TMEM165: variants seen among roughly 807,000 people sequenced by gnomAD.
TMEM165 encodes transmembrane protein 165.
In TMEM165, 19 loss-of-function variants were observed where a neutral mutation model predicts 30.0. The observed-to-expected ratio is 0.63, with a 90% CI of 0.44 to 0.93. The LOEUF is 0.93. TMEM165 is among the 40% of genes least tolerant of loss of function. TMEM165 has a pLI of 0.00. For synonymous variants in TMEM165, 168 were observed against 162.9 expected, an observed-to-expected ratio of 1.03 and a Z score of -0.24; for missense variants, 340 against 417.0, an observed-to-expected ratio of 0.82 and a Z score of 1.61.
chr4:55,446,349 C>T (rs376119229), intron 3 of TMEM165, among the ~76,000 whole-genome samples: 53 of 151,958 alleles, frequency 3.5e-4, no homozygotes, highest in African/African-American at 1.2e-3. Context: ...AGCCACCATG[C>T]CCAGCCTTAT....
chr4:55,450,924 G>A (rs188857000), intron 3 of TMEM165, among the ~76,000 whole-genome samples: 1 of 152,162 alleles, frequency 6.6e-6, no homozygotes, highest in East Asian at 1.9e-4. Flanking sequence ...CTTAAGCCCA[G>A]GAGCTAGAGT....
chr4:55,406,008 T>C (rs1721253547), intron 1 of TMEM165, among the ~76,000 whole-genome samples: 1 of 152,220 alleles, frequency 6.6e-6, no homozygotes, highest in Non-Finnish European at 1.5e-5. Flanking sequence ...AAAGGAGTGA[T>C]GTATTTTCAA....
At chr4:55,448,599 C>CGTGTGT (rs1328426824) in intron 3 of TMEM165, among the ~76,000 whole-genome samples, 5 of 105,592 alleles carry the variant, frequency 4.7e-5, no homozygotes, top group Non-Finnish European at 1.1e-4. Context: ...CGCGCACGCG[C>CGTGTGT]GCGTGTGTGT....
At chr4:55,443,446 G>C (rs987010732) in intron 3 of TMEM165, among the ~76,000 whole-genome samples, 1 of 143,278 alleles carries the variant, frequency 7.0e-6, no homozygotes, top group Non-Finnish European at 1.5e-5. Flanking sequence ...TTGCACTCCA[G>C]CCTGGGCAAC....
In TMEM165 at chr4:55,444,757, A is replaced by C. The variant is rs1387354726; in HGVS notation, c.409-7482A>C. The C allele has an allele frequency of 1.9e-6, 3 of 1,614,064 alleles. No homozygotes were observed. The Admixed American group carries it at 5.0e-5, about 27-fold the overall frequency. ...TTCCAATTGGTCTTTCAGATGTTGC[A>C]TGGCTCCTAATTGAGCTGAAAACTG... is the stretch of plus-strand genomic sequence containing the variant. On this transcript the variant is annotated intron_variant, in intron 3 of 3. Transcript: ENST00000608091.
At chr4:55,417,564 T>A (rs1437194481) in intron 3 of TMEM165, 1 of 547,282 alleles carries the variant, frequency 1.8e-6, no homozygotes, top group East Asian at 3.0e-5. Context: ...GGATAGTAAG[T>A]GAGCAGAGCA....
intron 2 of TMEM165, among the ~76,000 whole-genome samples, chr4:55,412,971 A>AT (rs1195052199): frequency 6.6e-6 from 1 of 151,680 alleles, no homozygotes; most frequent in Non-Finnish European, 1.5e-5. Context: ...GCTATTTTTT[A>AT]TTTATTTATT....
rs1048007616 is a variant in TMEM165, at chr4:55,420,120, T to C, written c.792+2135T>C. Among the ~76,000 whole-genome samples, 87 of 56,788 alleles carry C rather than the reference T, an allele frequency of 1.5e-3. 8 individuals carry two copies. Among genetic ancestry groups the C allele is most frequent in the African/African-American group, 3.7e-3 (73 of 19,486 alleles). 37.3% of individuals were successfully genotyped at this position (56,788 alleles called of 152,430 possible). A position where few individuals can be genotyped will look rare whatever the true frequency, so the allele number is the denominator to read the frequency against. ...TAAGAAAAAAAAATATATATATATA[T>C]ACATATATATTTATTTATTTATTTA... On this transcript the variant is annotated intron_variant, in intron 4 of 5. Transcript: ENST00000381334.
At chr4:55,438,198 A>T (rs1723044009) in intron 3 of TMEM165, 12 of 1,484,180 alleles carry the variant, frequency 8.1e-6, no homozygotes, top group East Asian at 6.8e-5. Context: ...TTTTCACATC[A>T]CTCACAAATC....
chr4:55,440,780 A>C (rs570468944), intron 3 of TMEM165, among the ~76,000 whole-genome samples: 1 of 152,208 alleles, frequency 6.6e-6, no homozygotes, highest in African/African-American at 2.4e-5. Flanking sequence ...CGTGTAACTC[A>C]CACTTCTGCA....
downstream of TMEM165, chr4:55,428,888 T>G (rs1722348538): frequency 6.6e-6 from 1 of 151,730 alleles, no homozygotes; most frequent in South Asian, 2.1e-4. Flanking sequence ...AATGCCATAC[T>G]GAGGCCTTCC....
At chr4:55,402,701 C>G (rs1170004153) in intron 1 of TMEM165, among the ~76,000 whole-genome samples, 2 of 146,026 alleles carry the variant, frequency 1.4e-5, no homozygotes, top group Admixed American at 1.3e-4. Flanking sequence ...ACCTACCACG[C>G]CTCCCAAGTT....
exon 4 of TMEM165, chr4:55,453,160 T>C (rs1724619060): frequency 1.3e-6 from 2 of 1,553,868 alleles, no homozygotes; most frequent in Middle Eastern, 3.4e-4. Flanking sequence ...CAAATTTTAG[T>C]GTCTGGTCAT....
intron 4 of TMEM165, chr4:55,424,219 A>G (rs148810641): frequency 7.6e-5 from 21 of 276,460 alleles, no homozygotes; most frequent in African/African-American, 3.8e-4. Flanking sequence ...AGCACTTGTC[A>G]TAGCAGTGCT....
chr4:55,415,664 A>G (rs1721692269), intron 2 of TMEM165: 1 of 152,176 alleles, frequency 6.6e-6, no homozygotes. Context: ...ATACACACAC[A>G]ATAATTTAAA....
chr4:55,416,942 A>T, intron 2 of TMEM165, 130 bp from the exon 3 acceptor site: 1 of 710,490 alleles, frequency 1.4e-6, no homozygotes, highest in Non-Finnish European at 2.2e-6. Context: ...TGAGGTTATT[A>T]CATACTAGAT....
intron 3 of TMEM165, among the ~76,000 whole-genome samples, chr4:55,445,843 A>C (rs759910098): frequency 3.3e-5 from 5 of 151,388 alleles, no homozygotes; most frequent in Admixed American, 6.6e-5. Context: ...AAGTCCTCCT[A>C]CTTCGGCCTT....
rs1451940544 is a variant in TMEM165 at position 55,400,220 on chromosome 4, A to ATATT, written c.207+3825_207+3828dup. Among the ~76,000 whole-genome samples the ATATT allele has an allele frequency of 4.2e-4, 4 of 9,510 alleles. No homozygotes were observed. In the Admixed American group the frequency reaches 5.5e-3, roughly 13 times the overall value. 6.2% of individuals were successfully genotyped at this position (9,510 alleles called of 152,430 possible). On this transcript the variant is annotated intron_variant, in intron 1 of 5. Transcript: ENST00000381334. ...AATATATAATTTATATTTATATTAT[A>ATATT]TATTAATATATTAATGTAATTAATA...
intron 2 of TMEM165, among the ~76,000 whole-genome samples, chr4:55,416,531 A>AT (rs923648448): frequency 6.6e-6 from 1 of 152,140 alleles, no homozygotes; most frequent in Non-Finnish European, 1.5e-5. Context: ...AAATTTTTAG[A>AT]TTTTTTTCAT....
Sources: gnomAD v4.1 joint callset for allele counts (sites outside exome capture counted in the v4.1 genomes callset) on GRCh38, gnomAD v4.1.1 for gene constraint, MANE v1.5 for transcripts, NCBI Gene and HGNC (gene_info 2026-07-23, HGNC 2026-07-21) for gene names.